Variants in SFI1 observed in about 807,000 individuals in gnomAD.
SFI1 encodes SFI1 centrin binding protein, also known as protein SFI1 homolog.
In SFI1, 195 loss-of-function variants were observed where a neutral mutation model predicts 207.5. The ratio of observed to expected loss-of-function variants is 0.94; its 90% CI spans 0.84 to 1.06. The LOEUF (loss-of-function observed/expected upper bound fraction) is 1.06. Ranked by LOEUF, SFI1 falls within the 50% of genes least tolerant of loss-of-function variation. The pLI is 0.00. For missense variants in SFI1, 1,634 were observed against 1,588.0 expected (o/e 1.03, Z -0.49); for synonymous variants, 630 against 598.9 (o/e 1.05, Z -0.76).
chr22:31,610,851 C>T (rs1293759600), intron 22 of SFI1, among the ~76,000 whole-genome samples: 1 of 152,246 alleles, frequency 6.6e-6, no homozygotes, highest in Admixed American at 6.5e-5. Context: ...TCTTAGGGTG[C>T]CCCTGGCACC....
intron 2 of SFI1, among the ~76,000 whole-genome samples, chr22:31,523,590 C>A (rs2147150007): frequency 6.6e-6 from 1 of 152,230 alleles, no homozygotes; most frequent in South Asian, 2.1e-4. Flanking sequence ...TCTTTTGATT[C>A]CCACAACCCC....
At chr22:31,543,767 G>A (rs933274834) in intron 4 of SFI1, among the ~76,000 whole-genome samples, 2 of 147,476 alleles carry the variant, frequency 1.4e-5, no homozygotes, top group African/African-American at 2.5e-5. Context: ...CCAAGATCGC[G>A]CCACTGCACT....
At chr22:31,507,755 A>G (rs1375894605) in intron 1 of SFI1, among the ~76,000 whole-genome samples, 1 of 152,156 alleles carries the variant, frequency 6.6e-6, no homozygotes, top group Admixed American at 6.6e-5. Flanking sequence ...GCTCAATATC[A>G]CTGATCATTA....
chr22:31,525,814 A>T (rs1350666141), intron 2 of SFI1, among the ~76,000 whole-genome samples: 1 of 152,046 alleles, frequency 6.6e-6, no homozygotes, highest in Non-Finnish European at 1.5e-5. Flanking sequence ...CCATTGGCCT[A>T]TGTGTCTGTT....
At chr22:31,598,789 CTTTTTTT>C (rs1203871840) in intron 15 of SFI1, among the ~76,000 whole-genome samples, 2 of 64,412 alleles carry the variant, frequency 3.1e-5, no homozygotes, top group African/African-American at 7.0e-5. Context: ...TCCAGTTTAT[CTTTTTTT>C]TTTTTTTTTT....
chr22:31,525,632 A>G (rs1335386032), intron 2 of SFI1, among the ~76,000 whole-genome samples: 1 of 152,112 alleles, frequency 6.6e-6, no homozygotes. Context: ...TGGGAAGATC[A>G]CCTGAATCTG....
At chr22:31,588,098 G>A (rs1357467457) in intron 14 of SFI1, among the ~76,000 whole-genome samples, 3 of 152,196 alleles carry the variant, frequency 2.0e-5, no homozygotes, top group African/African-American at 7.2e-5. Context: ...AGGACTTAAT[G>A]GGAATGGTTG....
At position 31,531,056 on chromosome 22, in the gene SFI1, A is replaced by G; in HGVS notation, c.267-2A>G. Reference sequence around the variant, plus strand: ...TGTATATGCTTTTTTTCCTTCTTTCAGATGCGTGGCCAGAAAGTTCTTATA... The same window carrying G: ...TGTATATGCTTTTTTTCCTTCTTTCGGATGCGTGGCCAGAAAGTTCTTATA... On this transcript the variant is annotated splice_acceptor_variant, in intron 3 of 32. Transcript: ENST00000400288. LOFTEE classifies it high-confidence loss of function. 6.2e-7 allele frequency: 1 copy of G among 1,608,928 alleles called. No homozygotes were observed. The highest frequency in any genetic ancestry group is 8.5e-7 in the Non-Finnish European group (1 of 1,178,404).
At chr22:31,537,450 A>G (rs1462542352) in intron 4 of SFI1, among the ~76,000 whole-genome samples, 4 of 152,200 alleles carry the variant, frequency 2.6e-5, no homozygotes, top group Non-Finnish European at 5.9e-5. Context: ...AGTGACTGCT[A>G]GCTAACCTGC....
chr22:31,521,852 C>T (rs1278348399), intron 2 of SFI1, among the ~76,000 whole-genome samples: 2 of 151,966 alleles, frequency 1.3e-5, no homozygotes, highest in South Asian at 2.1e-4. Flanking sequence ...TAACCTCCAC[C>T]TCCTAGGTTC....
chr22:31,607,970 C>T lies in SFI1; in HGVS notation c.2191C>T (p.Gln731Ter), dbSNP rs2069348039. 6.2e-7 allele frequency: 1 copy of T among 1,613,796 alleles called. No individual in the cohort carries two copies. Among genetic ancestry groups the T allele is most frequent in the Non-Finnish European group, 8.5e-7 (1 of 1,179,902 alleles). Residue 731 changes from glutamine to a stop codon, truncating the protein, a stop_gained, in exon 22 of 33, where the codon CAG becomes TAG. Coordinates refer to ENST00000400288, the MANE Select transcript of SFI1 (RefSeq NM_001007467.3). LOFTEE classifies it high-confidence loss of function. ...LVQWREAVSV[Q>*]MYYRQQEDCA... ...CCAGTGGCGGGAAGCTGTGTCAGTG[C>T]AGATGTATTACCGACAGCAGGAGGA...
intron 8 of SFI1, among the ~76,000 whole-genome samples, chr22:31,564,348 G>T (rs1188752334): frequency 6.7e-6 from 1 of 148,746 alleles, no homozygotes; most frequent in African/African-American, 2.5e-5. Flanking sequence ...AAAAAAATTA[G>T]CAGCTAGCCA....
chr22:31,586,079 T>A (rs1449423272), intron 14 of SFI1, among the ~76,000 whole-genome samples: 2 of 152,080 alleles, frequency 1.3e-5, no homozygotes, highest in African/African-American at 4.8e-5. Flanking sequence ...TCCCTGTCTG[T>A]TTCTCTCCCC....
intron 15 of SFI1, among the ~76,000 whole-genome samples, chr22:31,598,153 AT>A (rs554085241): frequency 2.8e-3 from 379 of 137,720 alleles, no homozygotes; most frequent in East Asian, 2.5e-3. Flanking sequence ...AATTTTTTGT[AT>A]TTTTTTTTTT....
At chr22:31,556,858 A>G in intron 6 of SFI1, 84 bp from the exon 7 acceptor site, 4 of 895,602 alleles carry the variant, frequency 4.5e-6, no homozygotes, top group Non-Finnish European at 5.1e-6. Flanking sequence ...TAGGTATTCA[A>G]AGGAGAGCCC....
At position 31,508,330 on chromosome 22, in the gene SFI1, C is replaced by T; in HGVS notation, c.46C>T (p.His16Tyr). The T allele has an allele frequency of 6.2e-7, 1 of 1,612,964 alleles. No individual in the cohort carries two copies. The highest frequency in any genetic ancestry group is 1.1e-5 in the South Asian group (1 of 91,008). ...GAAGTGTATATCAAGCCACAATTTC[C>T]ATCAAAAAGTGATTAAGCAGAGAAT... ...TEKCISSHNF[H>Y]QKVIKQRMEK... Residue 16 changes from histidine to tyrosine, a missense_variant, in exon 2 of 33, where the codon CAT becomes TAT. His to Tyr is a moderately conservative substitution (Grantham distance 83). Transcript: ENST00000400288.
chr22:31,518,142 A>G (rs779634604), intron 2 of SFI1, among the ~76,000 whole-genome samples: 10 of 151,966 alleles, frequency 6.6e-5, no homozygotes, highest in Non-Finnish European at 1.5e-4. Context: ...ACCCACCACC[A>G]CGCCTGGCTG....
intron 24 of SFI1, chr22:31,612,426 T>TATATATATATATAAAA (rs1491348905): frequency 1.0e-5 from 1 of 99,926 alleles, no homozygotes; most frequent in Non-Finnish European, 2.0e-5. Flanking sequence ...TATATATATA[T>TATATATATATATAAAA]AATCAGTGGG....
At chr22:31,549,562 A>G (rs1281277410) in intron 5 of SFI1, among the ~76,000 whole-genome samples, 1 of 151,828 alleles carries the variant, frequency 6.6e-6, no homozygotes, top group African/African-American at 2.4e-5. Context: ...ACGGGGTTTC[A>G]CCATATTGAC....
Sources: allele counts gnomAD v4.1 joint callset (sites outside exome capture counted in the v4.1 genomes callset), GRCh38; gene constraint gnomAD v4.1.1; transcripts MANE v1.5; gene names NCBI Gene and HGNC (gene_info 2026-07-23, HGNC 2026-07-21).